Variants in SND1 observed in about 807,000 individuals in gnomAD.
SND1 encodes the protein staphylococcal nuclease and tudor domain containing 1, also known as staphylococcal nuclease domain-containing protein 1.
A neutral mutation model predicts 121.7 loss-of-function variants in SND1; 38 were observed. The observed-to-expected ratio is 0.31, with a 90% CI of 0.24 to 0.41. The LOEUF (loss-of-function observed/expected upper bound fraction) is 0.41. Ranked by LOEUF, SND1 falls within the 10% of genes least tolerant of loss-of-function variation. The pLI is 1.00. For synonymous variants in SND1, 401 were observed against 447.4 expected, an observed-to-expected ratio of 0.90 and a Z score of 1.31; for missense variants, 868 against 1,184.6, an observed-to-expected ratio of 0.73 and a Z score of 3.92.
At chr7:128,021,262 C>A (rs1803343292) in intron 16 of SND1, among the ~76,000 whole-genome samples, 1 of 152,220 alleles carries the variant, frequency 6.6e-6, no homozygotes, top group African/African-American at 2.4e-5. Context: ...CTGTGGCTGG[C>A]AGGCTGCAGA....
In SND1 at chr7:127,959,949, C is replaced by T. The variant is rs114416685; in HGVS notation, c.1669+30620C>T. Among the ~76,000 whole-genome samples, 699 of 152,320 alleles carry T rather than the reference C, an allele frequency of 4.6e-3. 3 individuals carry two copies. Among genetic ancestry groups the T allele is most frequent in the African/African-American group, 0.013 (533 of 41,576 alleles). ...ATTTCACTCATTACTGGGTAAACAT[C>T]ACCCAGCAGAAGAGTTCATTGATGT... On this transcript the variant is annotated intron_variant, in intron 15 of 23. Transcript: ENST00000354725.
intron 13 of SND1, among the ~76,000 whole-genome samples, chr7:127,896,241 G>A (rs192445324): frequency 1.4e-4 from 21 of 151,848 alleles, no homozygotes; most frequent in Admixed American, 7.9e-4. Flanking sequence ...ATTTTCTTCC[G>A]TCTCACTCTC....
At chr7:127,935,450 A>T (rs1328498670) in intron 15 of SND1, among the ~76,000 whole-genome samples, 1 of 152,218 alleles carries the variant, frequency 6.6e-6, no homozygotes, top group African/African-American at 2.4e-5. Context: ...AGATAGAGTG[A>T]GAGATTATCC....
At chr7:128,071,678 C>T (rs1014519941) in intron 16 of SND1, among the ~76,000 whole-genome samples, 3 of 152,236 alleles carry the variant, frequency 2.0e-5, no homozygotes, top group Admixed American at 6.5e-5. Context: ...TCCACAGCCT[C>T]GTCCAGGCTG....
intron 16 of SND1, among the ~76,000 whole-genome samples, chr7:128,061,962 G>A (rs534600841): frequency 9.2e-5 from 14 of 152,370 alleles, no homozygotes; most frequent in South Asian, 2.1e-4. Flanking sequence ...GGGGCTCAGC[G>A]TCATCTCAAA....
intron 10 of SND1, among the ~76,000 whole-genome samples, chr7:127,728,112 A>T (rs1181108229): frequency 6.6e-6 from 1 of 152,172 alleles, no homozygotes; most frequent in Non-Finnish European, 1.5e-5. Context: ...AGAAGACAGC[A>T]TGTGCCTGTC....
chr7:127,923,250 G>A (rs953698978), intron 14 of SND1, among the ~76,000 whole-genome samples: 8 of 152,136 alleles, frequency 5.3e-5, no homozygotes, highest in African/African-American at 1.4e-4. Flanking sequence ...ACAGGCATGC[G>A]CCACCCTGCC....
rs536390728 is a variant in SND1, at chr7:127,825,097, G to A, written c.1242+17524G>A. ...CTTTTTAGAAATGACAGTTACTAAT[G>A]TTACCTTAAAACATATATTTTTTTT... On this transcript the variant is annotated intron_variant, in intron 11 of 23. Transcript: ENST00000354725. Among the ~76,000 whole-genome samples, 21 of 152,212 alleles carry A rather than the reference G, an allele frequency of 1.4e-4. No homozygotes were observed. In the South Asian group the frequency reaches 4.3e-3, roughly 32 times the overall value.
chr7:127,973,287 G>A (rs1486186959), intron 15 of SND1, among the ~76,000 whole-genome samples: 1 of 152,210 alleles, frequency 6.6e-6, no homozygotes, highest in Non-Finnish European at 1.5e-5. Flanking sequence ...CAATAGAAAT[G>A]TCAGAAATGG....
intron 1 of SND1, among the ~76,000 whole-genome samples, chr7:127,673,055 A>G (rs144160856): frequency 1.7e-3 from 258 of 150,792 alleles, no homozygotes; most frequent in African/African-American, 5.9e-3. Context: ...ATTTTATGTA[A>G]TAAGTAATAC....
At chr7:128,045,939 C>A (rs543476587) in intron 16 of SND1, among the ~76,000 whole-genome samples, 29 of 152,334 alleles carry the variant, frequency 1.9e-4, no homozygotes, top group South Asian at 4.1e-4. Context: ...TCCTTCCCCA[C>A]AAGCATCTCA....
In SND1 at chr7:127,877,723, G is replaced by A. The variant is rs188764366; in HGVS notation, c.1344-10179G>A. Among the ~76,000 whole-genome samples, 490 of 152,140 alleles carry A rather than the reference G, an allele frequency of 3.2e-3. 17 individuals are homozygous for A. Among genetic ancestry groups the A allele is most frequent in the Admixed American group, 0.03 (458 of 15,264 alleles). Reference sequence around the variant, plus strand: ...GCTAGGATTACAGACATGAGCTACCGCGTCCAGCCGATCACCCACTTTTAA... The same window carrying A: ...GCTAGGATTACAGACATGAGCTACCACGTCCAGCCGATCACCCACTTTTAA... On this transcript the variant is annotated intron_variant, in intron 12 of 23. Transcript: ENST00000354725.
In SND1 at chr7:128,029,120, G is replaced by A. The variant is rs572177898; in HGVS notation, c.1779+38064G>A. On this transcript the variant is annotated intron_variant, in intron 16 of 23. Transcript: ENST00000354725. This position sits in a 1 kb window ranked among gnomAD's most constrained non-coding sequence, Gnocchi z 4.2. ...GCATCTTGTCAGTGGTGTCTGTCGC[G>A]GGTACTGCCACCTGCTTGGGCACAC... is the stretch of plus-strand genomic sequence containing the variant. The A allele has an allele frequency of 1.8e-5, 29 of 1,614,068 alleles. 1 individual carries two copies. Among genetic ancestry groups the A allele is most frequent in the South Asian group, 4.4e-5 (4 of 91,066 alleles).
At chr7:127,700,599 A>G (rs1796084451) in intron 4 of SND1, among the ~76,000 whole-genome samples, 1 of 151,938 alleles carries the variant, frequency 6.6e-6, no homozygotes, top group African/African-American at 2.4e-5. Context: ...TCTAGTACAT[A>G]GTTTGGTTTC....
rs934474818 is a variant in SND1 at position 127,696,191 on chromosome 7, G to T, written c.349+1243G>T. 5.9e-5 allele frequency among the ~76,000 whole-genome samples: 9 copies of T among 152,292 alleles called. 1 individual carries two copies. Among genetic ancestry groups the T allele is most frequent in the African/African-American group, 2.2e-4 (9 of 41,572 alleles). On this transcript the variant is annotated intron_variant, in intron 3 of 23. Transcript: ENST00000354725. Reference sequence around the variant, plus strand: ...GATAGTCAGTGCTAGCAATAAGCAAGCAGGGTAGAATGACAGTGCTAACAG... The same window carrying T: ...GATAGTCAGTGCTAGCAATAAGCAATCAGGGTAGAATGACAGTGCTAACAG...
intron 12 of SND1, among the ~76,000 whole-genome samples, chr7:127,861,539 G>A (rs1348646399): frequency 6.6e-6 from 1 of 152,096 alleles, no homozygotes; most frequent in African/African-American, 2.4e-5. Flanking sequence ...CAGTGGCGCT[G>A]TCTTGGCTCA....
intron 15 of SND1, among the ~76,000 whole-genome samples, chr7:127,931,005 G>A (rs1800947018): frequency 1.3e-5 from 2 of 152,154 alleles, no homozygotes; most frequent in Non-Finnish European, 2.9e-5. Context: ...GACCAGTGAT[G>A]TTTGATGTTA....
chr7:127,688,330 T>C (rs1795852820), intron 2 of SND1, among the ~76,000 whole-genome samples: 1 of 152,112 alleles, frequency 6.6e-6, no homozygotes, highest in African/African-American at 2.4e-5. Flanking sequence ...TGTGTACCAA[T>C]TTGGCATTGT....
At chr7:128,065,795 T>C (rs1269668697) in intron 16 of SND1, among the ~76,000 whole-genome samples, 5 of 152,230 alleles carry the variant, frequency 3.3e-5, no homozygotes, top group Non-Finnish European at 7.3e-5. Context: ...CCTGGTTTTT[T>C]GCCTGGGACT....
Sources: gnomAD v4.1 joint callset for allele counts (sites outside exome capture counted in the v4.1 genomes callset) on GRCh38, gnomAD v4.1.1 for gene constraint, Gnocchi (gnomAD v3.1) non-coding constraint, MANE v1.5 for transcripts, NCBI Gene and HGNC (gene_info 2026-07-23, HGNC 2026-07-21) for gene names.